Variants in PRKCQ observed in about 807,000 individuals in gnomAD.
The protein encoded by PRKCQ is protein kinase C theta type.
In PRKCQ, 41 loss-of-function variants were observed where a neutral mutation model predicts 91.2. The ratio of observed to expected loss-of-function variants is 0.45; its 90% CI spans 0.35 to 0.58. The LOEUF is 0.58. Among genes scored for constraint, PRKCQ ranks in the 20% least tolerant of loss-of-function variants. The probability of loss-of-function intolerance (pLI) is 0.00; values close to 1 mark genes in which losing one functional copy is unlikely to be tolerated. For missense variants in PRKCQ, 673 were observed against 896.5 expected (o/e 0.75, Z 3.18); for synonymous variants, 307 against 316.9 (o/e 0.97, Z 0.33).
chr10:6,488,763 A>G (rs1051938918), intron 8 of PRKCQ, among the ~76,000 whole-genome samples: 2 of 152,008 alleles, frequency 1.3e-5, no homozygotes, highest in African/African-American at 4.8e-5. Context: ...TCTTTTCTGC[A>G]TATTTAAAAT....
At chr10:6,460,695 C>T (rs1416491958) in intron 14 of PRKCQ, among the ~76,000 whole-genome samples, 1 of 152,034 alleles carries the variant, frequency 6.6e-6, no homozygotes, top group East Asian at 1.9e-4. Context: ...TTTGTCATGT[C>T]GGCCAGGCTG....
At chr10:6,420,812 ACTT>A in the PRKCQ span, among the ~76,000 whole-genome samples, 5 of 151,688 alleles carry the variant, frequency 3.3e-5, no homozygotes, top group Admixed American at 3.3e-4. Context: ...TTTCAGAAAA[ACTT>A]CTCTCTCTCT....
chr10:6,402,550 G>A, the PRKCQ span, among the ~76,000 whole-genome samples: 1 of 152,140 alleles, frequency 6.6e-6, no homozygotes, highest in Non-Finnish European at 1.5e-5. Flanking sequence ...AAGAAGCAAA[G>A]GGGACTTAAC....
At chr10:6,517,804 C>A (rs1838834615) in intron 1 of PRKCQ, among the ~76,000 whole-genome samples, 1 of 134,884 alleles carries the variant, frequency 7.4e-6, no homozygotes, top group African/African-American at 2.4e-5. Context: ...TAAGTAAACG[C>A]CATTCTTACA....
chr10:6,559,281 G>A (rs114041796), intron 1 of PRKCQ, among the ~76,000 whole-genome samples: 1,971 of 152,232 alleles, frequency 0.013, 35 homozygotes, highest in African/African-American at 0.045. Flanking sequence ...AGCCCTTGAG[G>A]ACTGGGGCAG....
chr10:6,563,941 G>A (rs1225244212), intron 1 of PRKCQ, among the ~76,000 whole-genome samples: 2 of 152,192 alleles, frequency 1.3e-5, no homozygotes, highest in Admixed American at 6.5e-5. Context: ...GACACAGCCC[G>A]TGGGGGCCTT....
In PRKCQ at chr10:6,497,712, T is replaced by G. The variant is rs1051121012; in HGVS notation, c.543-461A>C. Among the ~76,000 whole-genome samples, 2 of 152,128 alleles carry G rather than the reference T, an allele frequency of 1.3e-5. No homozygotes were observed. The highest frequency in any genetic ancestry group is 4.8e-5 in the African/African-American group (2 of 41,414). ...CCGATTCCTGAGTGACATCCATGAT[T>G]AGAGAGAAAGGAGGTTCAAGTGATT... On this transcript the variant is annotated intron_variant, in intron 5 of 17. Coordinates refer to ENST00000263125, the MANE Select transcript of PRKCQ (RefSeq NM_006257.5). This position sits in a 1 kb window ranked among gnomAD's most constrained non-coding sequence, Gnocchi z 4.5.
intron 3 of PRKCQ, among the ~76,000 whole-genome samples, chr10:6,508,746 A>T (rs775473380): frequency 2.0e-5 from 3 of 152,236 alleles, no homozygotes; most frequent in Non-Finnish European, 4.4e-5. Flanking sequence ...CCAGGTGACC[A>T]CAAGGTTGGC....
At position 6,467,908 on chromosome 10, in the gene PRKCQ, T is replaced by G. The variant is rs74112628; in HGVS notation, c.1354-3504A>C. Among the ~76,000 whole-genome samples the G allele has an allele frequency of 4.8e-3, 733 of 152,296 alleles. 1 individual carries two copies. The highest frequency in any genetic ancestry group is 0.017 in the African/African-American group (709 of 41,558). The stretch of plus-strand genomic sequence containing the variant: ...TCTTATGTTTGTGTTATTGATGTTT[T>G]AAAGAAATGGTATTTAAGTTGGGTG... On this transcript the variant is annotated intron_variant, in intron 12 of 17. Transcript: ENST00000263125.
chr10:6,536,790 T>C (rs777244692), intron 1 of PRKCQ, among the ~76,000 whole-genome samples: 1 of 152,172 alleles, frequency 6.6e-6, no homozygotes, highest in Non-Finnish European at 1.5e-5. Context: ...GAAATTCCAA[T>C]AGGTTTTCTG....
intron 8 of PRKCQ, chr10:6,489,525 C>A (rs771333994): frequency 9.9e-6 from 5 of 504,224 alleles, no homozygotes; most frequent in South Asian, 5.9e-5. Flanking sequence ...AAGACGACGG[C>A]CTGCAAGGAG....
chr10:6,493,777 G>A (rs139903377), intron 7 of PRKCQ, among the ~76,000 whole-genome samples: 251 of 152,324 alleles, frequency 1.6e-3, no homozygotes, highest in Non-Finnish European at 3.1e-3. Flanking sequence ...GCTCTGCCAC[G>A]TACAGGTGAT....
chr10:6,407,132 A>G, the PRKCQ span, among the ~76,000 whole-genome samples: 2 of 152,210 alleles, frequency 1.3e-5, no homozygotes, highest in African/African-American at 4.8e-5. This position sits in a 1 kb window ranked among gnomAD's most constrained non-coding sequence, Gnocchi z 4.0. Context: ...TAATTCATCT[A>G]TCCAACTTTC....
At chr10:6,428,443 C>T (rs1833238165) in intron 17 of PRKCQ, 81 bp from the exon 18 acceptor site, 2 of 1,488,152 alleles carry the variant, frequency 1.3e-6, no homozygotes, top group Non-Finnish European at 1.8e-6. Context: ...GTTATCTAGG[C>T]CGTGATCTGC....
intron 8 of PRKCQ, among the ~76,000 whole-genome samples, chr10:6,491,454 A>G (rs1837290708): frequency 2.0e-5 from 3 of 152,144 alleles, no homozygotes; most frequent in Non-Finnish European, 4.4e-5. Context: ...TTGACCTTGA[A>G]CCTGAACTGT....
chr10:6,560,635 T>C (rs1361720643), intron 1 of PRKCQ, among the ~76,000 whole-genome samples: 6 of 152,236 alleles, frequency 3.9e-5, no homozygotes, highest in Non-Finnish European at 8.8e-5. Flanking sequence ...ACTCAGTGAA[T>C]TGTTCAGCCT....
chr10:6,488,728 C>A (rs1336537701), intron 8 of PRKCQ, among the ~76,000 whole-genome samples: 1 of 152,110 alleles, frequency 6.6e-6, no homozygotes, highest in Non-Finnish European at 1.5e-5. Context: ...ATAGATATAG[C>A]CAGAAAAATT....
At chr10:6,483,747 G>A in intron 10 of PRKCQ, 147 bp from the exon 11 acceptor site, 1 of 922,444 alleles carries the variant, frequency 1.1e-6, no homozygotes, top group Non-Finnish European at 1.6e-6. Context: ...TACAGTTCAG[G>A]CAGCTTTAAT....
At chr10:6,494,705 T>C (rs937951915) in intron 7 of PRKCQ, among the ~76,000 whole-genome samples, 3 of 152,324 alleles carry the variant, frequency 2.0e-5, no homozygotes, top group Admixed American at 2.0e-4. Context: ...ACCTAACATC[T>C]CATTTTAGAT....
Sources: allele counts gnomAD v4.1 joint callset (sites outside exome capture counted in the v4.1 genomes callset), GRCh38; gene constraint gnomAD v4.1.1; non-coding constraint Gnocchi (gnomAD v3.1); transcripts MANE v1.5; gene names NCBI Gene and HGNC (gene_info 2026-07-23, HGNC 2026-07-21).